Variants in CDH4 observed in about 807,000 individuals in gnomAD.
CDH4 encodes the protein cadherin 4.
In CDH4, 33 loss-of-function variants were observed where a neutral mutation model predicts 86.0. The observed-to-expected ratio is 0.38, with a 90% CI of 0.29 to 0.51. The LOEUF (loss-of-function observed/expected upper bound fraction) is 0.51. CDH4 is among the 20% of genes least tolerant of loss of function. The probability of loss-of-function intolerance (pLI) is 0.86; values close to 1 mark genes in which losing one functional copy is unlikely to be tolerated. For missense variants in CDH4, 1,114 were observed against 1,307.4 expected, an observed-to-expected ratio of 0.85 and a Z score of 2.28; for synonymous variants, 555 against 549.4, an observed-to-expected ratio of 1.01 and a Z score of -0.14.
chr20:61,604,755 T>C (rs944767142), intron 2 of CDH4, among the ~76,000 whole-genome samples: 1 of 152,160 alleles, frequency 6.6e-6, no homozygotes, highest in Non-Finnish European at 1.5e-5. Flanking sequence ...AGTCATTTGA[T>C]AAATGGGCCG....
chr20:61,545,086 G>A (rs890593380), intron 2 of CDH4, among the ~76,000 whole-genome samples: 1 of 152,202 alleles, frequency 6.6e-6, no homozygotes, highest in Non-Finnish European at 1.5e-5. Flanking sequence ...CGCGGAGACA[G>A]TGTCTCCAGG....
intron 2 of CDH4, among the ~76,000 whole-genome samples, chr20:61,409,646 C>T (rs1173914851): frequency 2.6e-5 from 4 of 152,246 alleles, no homozygotes; most frequent in South Asian, 4.1e-4. Context: ...AGAGCCGCTG[C>T]GTGTGACACA....
rs560354172 is a variant in CDH4, at chr20:61,744,896, C to T, written c.396+1107C>T. Among the ~76,000 whole-genome samples, 17 of 152,336 alleles carry T rather than the reference C, an allele frequency of 1.1e-4. No homozygotes were observed. The East Asian group carries it at 1.2e-3, about 10-fold the overall frequency. On this transcript the variant is annotated intron_variant, in intron 3 of 15. Transcript: ENST00000614565. ...GTCCTGGCGTTGGTTGCAGCCACTG[C>T]GCCAGCCTTCAGGTGTGGAGGCTGC...
At chr20:61,355,172 A>G (rs1291824306) in intron 2 of CDH4, among the ~76,000 whole-genome samples, 1 of 152,174 alleles carries the variant, frequency 6.6e-6, no homozygotes, top group African/African-American at 2.4e-5. Flanking sequence ...TTTCATTTCC[A>G]GGCAATAAAC....
At chr20:61,686,347 ATGTG>A (rs1568755299) in intron 2 of CDH4, among the ~76,000 whole-genome samples, 2 of 152,160 alleles carry the variant, frequency 1.3e-5, no homozygotes, top group African/African-American at 4.8e-5. Flanking sequence ...GTGCGTGTAT[ATGTG>A]TGTATGTGCG....
chr20:61,655,371 CACACACACTT>C (rs1288244969), intron 2 of CDH4, among the ~76,000 whole-genome samples: 2 of 152,160 alleles, frequency 1.3e-5, no homozygotes, highest in African/African-American at 4.8e-5. Flanking sequence ...TACACACTGA[CACACACACTT>C]ACACACACAC....
rs181116356 is a variant in CDH4 at position 61,708,784 on chromosome 20, A to T, written c.170-34779A>T. ...CTCTGAGTGTGCATCATGGACGGGCATCTCCTCTGCAGGCTGTTTGTTAGA... is the reference window on the plus strand; with the variant it reads ...CTCTGAGTGTGCATCATGGACGGGCTTCTCCTCTGCAGGCTGTTTGTTAGA... On this transcript the variant is annotated intron_variant, in intron 2 of 15. Transcript: ENST00000614565. This position sits in a 1 kb window ranked among gnomAD's most constrained non-coding sequence, Gnocchi z 4.5. Among the ~76,000 whole-genome samples, 1 of 152,310 alleles carries T rather than the reference A, an allele frequency of 6.6e-6. No individual in the cohort carries two copies. The highest frequency in any genetic ancestry group is 2.4e-5 in the African/African-American group (1 of 41,568).
intron 2 of CDH4, among the ~76,000 whole-genome samples, chr20:61,488,957 T>A (rs1004083018): frequency 1.1e-4 from 16 of 152,204 alleles, no homozygotes; most frequent in African/African-American, 1.9e-4. Context: ...ACTTTTTTTT[T>A]AAATTCATCC....
rs562458589 is a variant in CDH4 at position 61,874,476 on chromosome 20, A to G, written c.1050+576A>G. ...CGGTCCTACGAGGCTTTTGTGACAGAGGCCTCCCTCCACCCCTTCATCTCA... is the reference window on the plus strand; with the variant it reads ...CGGTCCTACGAGGCTTTTGTGACAGGGGCCTCCCTCCACCCCTTCATCTCA... On this transcript the variant is annotated intron_variant, in intron 7 of 15. Coordinates refer to ENST00000614565, the MANE Select transcript of CDH4 (RefSeq NM_001794.5). 5.9e-5 allele frequency among the ~76,000 whole-genome samples: 9 copies of G among 152,246 alleles called. No homozygotes were observed. In the South Asian group the frequency reaches 1.5e-3, roughly 25 times the overall value.
intron 5 of CDH4, among the ~76,000 whole-genome samples, chr20:61,845,129 G>C (rs969902161): frequency 6.6e-6 from 1 of 152,236 alleles, no homozygotes; most frequent in South Asian, 2.1e-4. Flanking sequence ...CTCCATCCAC[G>C]TGGTCTTCTG....
chr20:61,299,242 A>T (rs1227400840), intron 2 of CDH4, among the ~76,000 whole-genome samples: 1 of 152,168 alleles, frequency 6.6e-6, no homozygotes, highest in East Asian at 1.9e-4. Flanking sequence ...ATCACGGAGC[A>T]GAGATGGGAG....
intron 2 of CDH4, among the ~76,000 whole-genome samples, chr20:61,531,162 T>C (rs1275304445): frequency 6.6e-6 from 1 of 151,850 alleles, no homozygotes; most frequent in Non-Finnish European, 1.5e-5. Context: ...CTTGCCTCAC[T>C]TTTCTTATCT....
intron 2 of CDH4, among the ~76,000 whole-genome samples, chr20:61,591,872 A>G (rs2086521532): frequency 6.6e-6 from 1 of 150,814 alleles, no homozygotes; most frequent in African/African-American, 2.4e-5. Context: ...AAAGTCCTTC[A>G]TTATTGGGAA....
chr20:61,274,841 T>C (rs1362096331), intron 2 of CDH4, among the ~76,000 whole-genome samples: 1 of 132,896 alleles, frequency 7.5e-6, no homozygotes, highest in East Asian at 2.6e-4. Flanking sequence ...CCATGGGCAG[T>C]TTGGGGGATT....
intron 2 of CDH4, among the ~76,000 whole-genome samples, chr20:61,657,954 T>C (rs1419331084): frequency 6.6e-6 from 1 of 151,854 alleles, no homozygotes; most frequent in Non-Finnish European, 1.5e-5. Context: ...AATGGCACTG[T>C]GTGTCTTGTG....
At chr20:61,498,766 CA>C (rs1006369782) in intron 2 of CDH4, among the ~76,000 whole-genome samples, 7 of 150,652 alleles carry the variant, frequency 4.6e-5, no homozygotes, top group Admixed American at 2.0e-4. Flanking sequence ...AAGAAAATCG[CA>C]AAAAAAAATC....
intron 8 of CDH4, among the ~76,000 whole-genome samples, chr20:61,895,907 C>T (rs948631415): frequency 3.9e-5 from 6 of 152,206 alleles, no homozygotes; most frequent in African/African-American, 1.2e-4. Context: ...GGCCCAGCCC[C>T]GGGAGCCCCT....
chr20:61,618,558 C>T (rs564856752), intron 2 of CDH4, among the ~76,000 whole-genome samples: 2 of 152,122 alleles, frequency 1.3e-5, no homozygotes, highest in Non-Finnish European at 2.9e-5. Context: ...GTGTGCTCAG[C>T]CCTTGGAACC....
At chr20:61,553,650 T>C (rs1391507935) in intron 2 of CDH4, among the ~76,000 whole-genome samples, 1 of 152,162 alleles carries the variant, frequency 6.6e-6, no homozygotes, top group African/African-American at 2.4e-5. Context: ...AGCACAGATA[T>C]CATCCCACCA....
Sources: gnomAD v4.1 joint callset for allele counts (sites outside exome capture counted in the v4.1 genomes callset) on GRCh38, gnomAD v4.1.1 for gene constraint, Gnocchi (gnomAD v3.1) non-coding constraint, MANE v1.5 for transcripts, NCBI Gene and HGNC (gene_info 2026-07-23, HGNC 2026-07-21) for gene names.